BMPR2: variants seen among roughly 807,000 people sequenced by gnomAD.
BMPR2 encodes the protein bone morphogenetic protein receptor type 2.
Under a neutral mutation model 100.8 loss-of-function variants are expected in BMPR2, and 29 were observed. The observed-to-expected ratio is 0.29, with a 90% CI of 0.21 to 0.39. The LOEUF (loss-of-function observed/expected upper bound fraction) is 0.39. Among genes scored for constraint, BMPR2 ranks in the 10% least tolerant of loss-of-function variants. BMPR2 has a pLI of 1.00. For missense variants in BMPR2, 1,011 were observed against 1,274.5 expected, an observed-to-expected ratio of 0.79 and a Z score of 3.15; for synonymous variants, 382 against 442.3, an observed-to-expected ratio of 0.86 and a Z score of 1.71.
chr2:202,497,103 C>G (rs1340807448), intron 3 of BMPR2, among the ~76,000 whole-genome samples: 1 of 152,236 alleles, frequency 6.6e-6, no homozygotes, highest in African/African-American at 2.4e-5. Context: ...GCCAGCCAAC[C>G]GGCACTGCTC....
At chr2:202,458,533 C>T (rs190888343) in intron 1 of BMPR2, among the ~76,000 whole-genome samples, 8 of 152,054 alleles carry the variant, frequency 5.3e-5, no homozygotes, top group Non-Finnish European at 1.2e-4. Context: ...TGTTAGTGTG[C>T]TCAGTTAGAA....
intron 3 of BMPR2, among the ~76,000 whole-genome samples, chr2:202,507,730 A>C (rs1687549576): frequency 6.9e-5 from 9 of 131,048 alleles, no homozygotes; most frequent in East Asian, 2.2e-4. Context: ...ATGGAGTTTC[A>C]CTCTTGTTGC....
intron 3 of BMPR2, among the ~76,000 whole-genome samples, chr2:202,505,593 C>T (rs1687505301): frequency 6.6e-6 from 1 of 152,036 alleles, no homozygotes; most frequent in African/African-American, 2.4e-5. Context: ...CATTGTTGTG[C>T]CTTTTATGAG....
intron 1 of BMPR2, among the ~76,000 whole-genome samples, chr2:202,458,062 C>T (rs1420718923): frequency 6.6e-6 from 1 of 151,770 alleles, no homozygotes; most frequent in African/African-American, 2.4e-5. Flanking sequence ...TGATTGGACA[C>T]CTTCAGTTTA....
chr2:202,407,932 C>T (rs1394363838), intron 1 of BMPR2, among the ~76,000 whole-genome samples: 1 of 151,188 alleles, frequency 6.6e-6, no homozygotes, highest in Non-Finnish European at 1.5e-5. Flanking sequence ...CTCCCAGGTT[C>T]ACTCCATTCT....
intron 1 of BMPR2, among the ~76,000 whole-genome samples, chr2:202,424,552 T>C (rs1314222660): frequency 6.6e-6 from 1 of 151,174 alleles, no homozygotes; most frequent in Non-Finnish European, 1.5e-5. Context: ...AAAAATTAGC[T>C]GGGCGTGGTG....
intron 2 of BMPR2, among the ~76,000 whole-genome samples, chr2:202,466,279 T>G (rs1692319429): frequency 6.6e-6 from 1 of 152,074 alleles, no homozygotes; most frequent in Admixed American, 6.6e-5. Flanking sequence ...TACTGAATCA[T>G]TTTTCTTTTT....
intron 3 of BMPR2, among the ~76,000 whole-genome samples, chr2:202,480,953 T>TAAAAAAAA (rs71035011): frequency 1.2e-4 from 5 of 43,356 alleles, no homozygotes; most frequent in African/African-American, 4.0e-4. Context: ...AGACTCCGTC[T>TAAAAAAAA]AAAAAAAAAA....
intron 1 of BMPR2, among the ~76,000 whole-genome samples, chr2:202,389,505 C>T (rs1382796641): frequency 3.2e-5 from 4 of 125,768 alleles, no homozygotes; most frequent in East Asian, 2.3e-4. Flanking sequence ...CCAGCCTGGG[C>T]GACAGAGTAA....
rs1168821094 is a variant in BMPR2 at position 202,485,794 on chromosome 2, C to T, written c.418+18105C>T. Among the ~76,000 whole-genome samples, 3 of 151,936 alleles carry T rather than the reference C, an allele frequency of 2.0e-5. 1 individual carries two copies. The highest frequency in any genetic ancestry group is 4.2e-4 in the South Asian group (2 of 4,802). On this transcript the variant is annotated intron_variant, in intron 3 of 12. Coordinates refer to ENST00000374580, the MANE Select transcript of BMPR2 (RefSeq NM_001204.7). ...TCCTGACCTCAAGTGATTCGCCCGC[C>T]TGGGCCTCCCAAAGTGCTGAGATTA...
At chr2:202,500,368 G>A (rs920741818) in intron 3 of BMPR2, among the ~76,000 whole-genome samples, 37 of 152,094 alleles carry the variant, frequency 2.4e-4, no homozygotes, top group Admixed American at 1.3e-3. Flanking sequence ...GTCCCACACC[G>A]TTATTAGGGA....
At chr2:202,450,087 G>A (rs1302978157) in intron 1 of BMPR2, among the ~76,000 whole-genome samples, 1 of 152,128 alleles carries the variant, frequency 6.6e-6, no homozygotes, top group African/African-American at 2.4e-5. Context: ...TCCAGCCTGG[G>A]CAACAGAGCG....
At chr2:202,472,074 A>C (rs530974923) in intron 3 of BMPR2, among the ~76,000 whole-genome samples, 20 of 152,324 alleles carry the variant, frequency 1.3e-4, no homozygotes, top group Non-Finnish European at 2.2e-4. Context: ...CCAAATAAAA[A>C]TTTTAAACAA....
At chr2:202,492,052 G>A (rs910418832) in intron 3 of BMPR2, among the ~76,000 whole-genome samples, 2 of 151,936 alleles carry the variant, frequency 1.3e-5, no homozygotes, top group African/African-American at 4.8e-5. Flanking sequence ...GAAGAAGCAA[G>A]GCACAAAAAT....
intron 1 of BMPR2, among the ~76,000 whole-genome samples, chr2:202,437,585 A>G (rs1416093099): frequency 1.3e-5 from 2 of 150,446 alleles, no homozygotes; most frequent in African/African-American, 5.0e-5. Flanking sequence ...TTACACCACT[A>G]AGAAGTCCCA....
chr2:202,476,080 TAAAAA>T (rs56243938), intron 3 of BMPR2, among the ~76,000 whole-genome samples: 2 of 95,408 alleles, frequency 2.1e-5, no homozygotes, highest in African/African-American at 3.9e-5. Flanking sequence ...GTCTCAAGGT[TAAAAA>T]AAAAAAAAAA....
intron 1 of BMPR2, among the ~76,000 whole-genome samples, chr2:202,463,013 A>G (rs1462502112): frequency 6.6e-6 from 1 of 152,122 alleles, no homozygotes; most frequent in African/African-American, 2.4e-5. Context: ...GTGCCTGGCC[A>G]ACATTGGATT....
chr2:202,405,815 G>A (rs1293009305), intron 1 of BMPR2, among the ~76,000 whole-genome samples: 1 of 150,320 alleles, frequency 6.7e-6, no homozygotes, highest in Non-Finnish European at 1.5e-5. Context: ...ATCATCTAAT[G>A]TCAGTCTAAG....
At position 202,393,904 on chromosome 2, in the gene BMPR2, A is replaced by C. The variant is rs915250955; in HGVS notation, c.76+16354A>C. ...GAGCGAGAGAGAGAGAGAGAGAGAG[A>C]GAGAGAGAGAGAGAGAGAGAGAGAG... is the stretch of plus-strand genomic sequence containing the variant. On this transcript the variant is annotated intron_variant, in intron 1 of 12. Coordinates refer to ENST00000374580, the MANE Select transcript of BMPR2 (RefSeq NM_001204.7). Among the ~76,000 whole-genome samples the C allele has an allele frequency of 3.0e-4, 43 of 145,622 alleles. 1 individual carries two copies. The highest frequency in any genetic ancestry group is 7.5e-4 in the Admixed American group (11 of 14,760).
Sources: gnomAD v4.1 joint callset for allele counts (sites outside exome capture counted in the v4.1 genomes callset) on GRCh38, gnomAD v4.1.1 for gene constraint, MANE v1.5 for transcripts, NCBI Gene and HGNC (gene_info 2026-07-23, HGNC 2026-07-21) for gene names.